ALK: variants seen among roughly 807,000 people sequenced by gnomAD.
ALK encodes ALK tyrosine kinase receptor.
Under a neutral mutation model 163.1 loss-of-function variants are expected in ALK, and 74 were observed. The observed-to-expected ratio is 0.45, with a 90% confidence interval of 0.38 to 0.55. The LOEUF (loss-of-function observed/expected upper bound fraction) is 0.55. Among genes scored for constraint, ALK ranks in the 20% least tolerant of loss-of-function variants. ALK has a pLI of 0.00. For synonymous variants in ALK, 960 were observed against 843.2 expected, an observed-to-expected ratio of 1.14 and a Z score of -2.40; for missense variants, 2,063 against 2,105.3, an observed-to-expected ratio of 0.98 and a Z score of 0.39.
At chr2:29,620,362 T>C (rs1198707762) in intron 3 of ALK, among the ~76,000 whole-genome samples, 1 of 152,122 alleles carries the variant, frequency 6.6e-6, no homozygotes, top group Non-Finnish European at 1.5e-5. Context: ...TTCCACCTCT[T>C]ATAAGGATCT....
At chr2:29,664,580 T>G (rs2148264769) in intron 3 of ALK, among the ~76,000 whole-genome samples, 1 of 152,246 alleles carries the variant, frequency 6.6e-6, no homozygotes, top group East Asian at 1.9e-4. Context: ...ACCCCCATAT[T>G]TATGTCCTTC....
At chr2:29,911,742 T>C (rs576038159) in intron 1 of ALK, among the ~76,000 whole-genome samples, 5 of 152,244 alleles carry the variant, frequency 3.3e-5, no homozygotes, top group South Asian at 2.1e-4. Context: ...ATTTGCAGGA[T>C]ACAATCTCAA....
rs185087164 is a variant in ALK, at chr2:29,859,827, A to T, written c.667+60166T>A. ...AGGAAATGACCAAAGCAAAGTTGAG[A>T]GATGTGCTATGAGGCTCGGAAGATG... is the stretch of plus-strand genomic sequence containing the variant. On this transcript the variant is annotated intron_variant, in intron 1 of 28. Coordinates refer to ENST00000389048, the MANE Select transcript of ALK (RefSeq NM_004304.5). Among the ~76,000 whole-genome samples the T allele has an allele frequency of 1.5e-3, 221 of 152,298 alleles. 1 individual carries two copies. The highest frequency in any genetic ancestry group is 4.8e-3 in the African/African-American group (199 of 41,560).
In ALK at chr2:29,920,988, C is replaced by A; in HGVS notation, c.-329G>T. On this transcript the variant is annotated 5_prime_UTR_variant, in exon 1 of 29. Transcript: ENST00000389048. ...GCTCGCTGCGCTCGGTACAGAGGAA[C>A]TACTATGGTTGAAGGGAGGTGGCAG... The A allele has an allele frequency of 2.7e-6, 1 of 373,546 alleles. No homozygotes were observed. Among genetic ancestry groups the A allele is most frequent in the East Asian group, 4.3e-5 (1 of 23,456 alleles). The allele number at this position is 373,546 out of a possible 1,614,324, so 23.1% of individuals were successfully genotyped here.
intron 3 of ALK, among the ~76,000 whole-genome samples, chr2:29,653,649 G>A (rs1677096185): frequency 6.6e-6 from 1 of 152,170 alleles, no homozygotes; most frequent in Non-Finnish European, 1.5e-5. Flanking sequence ...ATAAATGTCA[G>A]GCAGGAGCAA....
intron 5 of ALK, among the ~76,000 whole-genome samples, chr2:29,355,574 C>T (rs1007317634): frequency 1.1e-4 from 16 of 152,178 alleles, no homozygotes; most frequent in Admixed American, 1.3e-4. Flanking sequence ...TCGGCTGAGG[C>T]GTGTTGCCCA....
At position 29,685,233 on chromosome 2, in the gene ALK, A is replaced by G. The variant is rs972915145; in HGVS notation, c.952+9617T>C. Reference sequence around the variant, plus strand: ...ACTGCCTCCTCCAACCACCCTAGACAGGAGCTTCATAGAAACCGAGCCCTT... The same window carrying G: ...ACTGCCTCCTCCAACCACCCTAGACGGGAGCTTCATAGAAACCGAGCCCTT... On this transcript the variant is annotated intron_variant, in intron 3 of 28. Transcript: ENST00000389048. Among the ~76,000 whole-genome samples, 9 of 152,178 alleles carry G rather than the reference A, an allele frequency of 5.9e-5. No homozygotes were observed. The East Asian group carries it at 1.2e-3, about 20-fold the overall frequency.
chr2:29,367,658 G>C (rs1312400658), intron 5 of ALK, among the ~76,000 whole-genome samples: 1 of 152,212 alleles, frequency 6.6e-6, no homozygotes, highest in African/African-American at 2.4e-5. Flanking sequence ...TCAGCTCCCT[G>C]AGTAGTGCTG....
intron 5 of ALK, among the ~76,000 whole-genome samples, chr2:29,363,938 T>C (rs1489388699): frequency 6.6e-6 from 1 of 152,160 alleles, no homozygotes; most frequent in Non-Finnish European, 1.5e-5. Flanking sequence ...CTAGGAGACT[T>C]CTTTCTTCCT....
At chr2:29,832,699 T>A (rs940635752) in intron 1 of ALK, among the ~76,000 whole-genome samples, 1 of 152,214 alleles carries the variant, frequency 6.6e-6, no homozygotes, top group Non-Finnish European at 1.5e-5. Context: ...TACTCATCCA[T>A]CCACCCATTT....
chr2:29,329,041 C>T (rs62130644), intron 5 of ALK, among the ~76,000 whole-genome samples: 26,155 of 152,172 alleles, frequency 0.17, 2,735 homozygotes, highest in Non-Finnish European at 0.24. Flanking sequence ...CTTGGATCCT[C>T]CTGCCTGGCT....
In ALK at chr2:29,232,322, C is replaced by A; in HGVS notation, c.2614G>T (p.Gly872Cys). ...ENNSSVLGLNGNSGAAGGGGG... is the reference protein window; with the variant it reads ...ENNSSVLGLNCNSGAAGGGGG... ...GCTTTACCTGCGGCTCCGGAATTGCCGTTTAGCCCTAGAACCGAGGAGTTA... is the reference window on the plus strand; with the variant it reads ...GCTTTACCTGCGGCTCCGGAATTGCAGTTTAGCCCTAGAACCGAGGAGTTA... The change falls in exon 15 of 29, where the codon GGC becomes TGC. Residue 872 changes from glycine to cysteine, a missense_variant. Gly to Cys is a radical substitution (Grantham distance 159, BLOSUM62 -3). Transcript: ENST00000389048. 3 of 1,614,244 alleles carry A rather than the reference C, an allele frequency of 1.9e-6. No individual in the cohort carries two copies. Among genetic ancestry groups the A allele is most frequent in the Non-Finnish European group, 2.5e-6 (3 of 1,180,048 alleles).
intron 4 of ALK, among the ~76,000 whole-genome samples, chr2:29,427,037 C>CAAA (rs70958261): frequency 0.012 from 473 of 40,116 alleles, 120 homozygotes; most frequent in Admixed American, 0.063. Context: ...GACTCCGTCT[C>CAAA]AAAAAAAAAA....
At chr2:29,269,565 G>A (rs568276105) in intron 11 of ALK, among the ~76,000 whole-genome samples, 9 of 152,190 alleles carry the variant, frequency 5.9e-5, no homozygotes, top group Non-Finnish European at 1.0e-4. Context: ...GGCGCCGAAC[G>A]TGCTGCGATG....
chr2:29,365,434 T>G (rs1455737823), intron 5 of ALK, among the ~76,000 whole-genome samples: 1 of 152,152 alleles, frequency 6.6e-6, no homozygotes, highest in African/African-American at 2.4e-5. Flanking sequence ...GCCCAGTTGT[T>G]GGACTTAGAG....
intron 2 of ALK, among the ~76,000 whole-genome samples, chr2:29,705,262 TATATATATATATATATATAA>T (rs376565667): frequency 0.18 from 12,994 of 73,064 alleles, 1,831 homozygotes; most frequent in African/African-American, 0.4. Flanking sequence ...TATATATATA[TATATATATATATATATATAA>T]ATATATATCT....
chr2:29,798,044 G>T (rs1288843996), intron 1 of ALK, among the ~76,000 whole-genome samples: 6 of 152,170 alleles, frequency 3.9e-5, no homozygotes, highest in African/African-American at 1.4e-4. Context: ...TATCTTAAGG[G>T]TGAGCACTAT....
intron 4 of ALK, among the ~76,000 whole-genome samples, chr2:29,483,422 G>C (rs548809426): frequency 4.6e-5 from 7 of 152,274 alleles, no homozygotes; most frequent in African/African-American, 1.2e-4. Flanking sequence ...TCAAAGTGTA[G>C]TCTGTGCACC....
intron 1 of ALK, among the ~76,000 whole-genome samples, chr2:29,897,591 A>G (rs1572480926): frequency 6.6e-6 from 1 of 152,182 alleles, no homozygotes; most frequent in Non-Finnish European, 1.5e-5. Context: ...TCCACCAGTC[A>G]GCAGTGTGGC....
Sources: gnomAD v4.1 joint callset for allele counts (sites outside exome capture counted in the v4.1 genomes callset) on GRCh38, gnomAD v4.1.1 for gene constraint, MANE v1.5 for transcripts, NCBI Gene and HGNC (gene_info 2026-07-23, HGNC 2026-07-21) for gene names.